The following DDHD2 variants were observed in gnomAD, a reference collection of about 807,000 sequenced individuals.
DDHD2 encodes the protein DDHD domain containing 2.
A neutral mutation model predicts 91.2 loss-of-function variants in DDHD2; 62 were observed. That is an observed-to-expected ratio of 0.68 (90% CI 0.55 to 0.84). DDHD2 has a LOEUF of 0.84. DDHD2 is among the 40% of genes least tolerant of loss of function. The probability of loss-of-function intolerance (pLI) is 0.00; values close to 1 mark genes in which losing one functional copy is unlikely to be tolerated. For missense variants in DDHD2, 740 were observed against 846.9 expected (o/e 0.87, Z 1.57); for synonymous variants, 271 against 293.9 (o/e 0.92, Z 0.80).
At chr8:38,252,105 G>T in intron 12 of DDHD2, 27 bp from the exon 13 acceptor site, 1 of 1,612,538 alleles carries the variant, frequency 6.2e-7, no homozygotes, top group Non-Finnish European at 8.5e-7. Context: ...TTATTAATGA[G>T]AGATGCTTTT....
intron 16 of DDHD2, among the ~76,000 whole-genome samples, chr8:38,256,056 G>T (rs923950017): frequency 6.6e-6 from 1 of 152,090 alleles, no homozygotes; most frequent in Non-Finnish European, 1.5e-5. Flanking sequence ...CATATTAAAA[G>T]AATACACATT....
At chr8:38,244,786 G>A (rs1020844410) in intron 7 of DDHD2, among the ~76,000 whole-genome samples, 2 of 150,962 alleles carry the variant, frequency 1.3e-5, no homozygotes, top group African/African-American at 2.4e-5. Context: ...GACTGGTCTC[G>A]AACTTTGGAC....
intron 16 of DDHD2, among the ~76,000 whole-genome samples, chr8:38,259,809 C>T (rs1195337624): frequency 3.3e-5 from 5 of 152,200 alleles, no homozygotes; most frequent in Non-Finnish European, 5.9e-5. Context: ...CATGAGCCAC[C>T]GCACCTGGCC....
chr8:38,239,091 T>A (rs1314712783), intron 5 of DDHD2: 1 of 152,160 alleles, frequency 6.6e-6, no homozygotes, highest in Non-Finnish European at 1.5e-5. Context: ...TTTAAAAACC[T>A]GGCTGCACGT....
chr8:38,234,604 T>C lies in DDHD2; in HGVS notation c.411+20T>C, dbSNP rs1191618496. On this transcript the variant is annotated intron_variant, in intron 3 of 17. Coordinates refer to ENST00000397166, the MANE Select transcript of DDHD2 (RefSeq NM_015214.3). ...TTAGAGGTATTCTTTTGACTCTTTT[T>C]TTACTTATTCTTTCTTTCTCTTATT... 1.3e-6 allele frequency: 2 copies of C among 1,552,452 alleles called. No homozygotes were observed. The highest frequency in any genetic ancestry group is 1.7e-6 in the Non-Finnish European group (2 of 1,149,440).
At chr8:38,234,028 C>T (rs1341849685) in intron 2 of DDHD2, among the ~76,000 whole-genome samples, 6 of 151,764 alleles carry the variant, frequency 4.0e-5, no homozygotes, top group Admixed American at 2.0e-4. Flanking sequence ...TTTTATAAAA[C>T]AAGAATGATT....
At chr8:38,264,421 C>G (rs776311275), downstream of DDHD2, 1 of 1,526,432 alleles carries the variant, frequency 6.6e-7, no homozygotes, top group Non-Finnish European at 8.8e-7. Flanking sequence ...GCATGAGCCA[C>G]CACGCCCGGC....
chr8:38,266,277 G>C (rs777326360), downstream of DDHD2: 8 of 1,613,630 alleles, frequency 5.0e-6, no homozygotes, highest in East Asian at 1.8e-4. Context: ...TCCCTGCCAG[G>C]TAGAAGGACG....
chr8:38,257,223 A>G (rs1169987616), intron 16 of DDHD2, among the ~76,000 whole-genome samples: 2 of 135,990 alleles, frequency 1.5e-5, no homozygotes, highest in Non-Finnish European at 3.1e-5. Context: ...GTAAGCCACC[A>G]TATCTGGCCA....
chr8:38,251,949 C>T lies in DDHD2; in HGVS notation c.1382C>T (p.Ala461Val), dbSNP rs201386329. Residue 461 changes from alanine (A) to valine (V), a missense_variant, in exon 12 of 18, where the codon GCA (alanine) becomes GTA (valine). This residue lies in a region of DDHD2 where 693 missense variants were observed against 764.2 expected (regional missense o/e 0.91). Transcript: ENST00000397166. ...CCAGCCCCGCAGCCTGCTTCAGGGG[C>T]AAACATCCCCAAAGAATCTGAGTTC... ...KRPAPQPASG[A>V]NIPKESEFCS... is the part of the protein sequence containing the mutation. The T allele has an allele frequency of 1.4e-4, 225 of 1,614,024 alleles. No individual in the cohort carries two copies. The highest frequency in any genetic ancestry group is 1.8e-4 in the Non-Finnish European group (216 of 1,179,996).
chr8:38,267,417 CG>C, downstream of DDHD2: 1 of 1,605,692 alleles, frequency 6.2e-7, no homozygotes, highest in South Asian at 1.1e-5. Flanking sequence ...ATGGTTGGAA[CG>C]TAAATCATTA....
At chr8:38,240,025 G>C (rs926632944) in intron 5 of DDHD2, among the ~76,000 whole-genome samples, 2 of 151,420 alleles carry the variant, frequency 1.3e-5, no homozygotes, top group Non-Finnish European at 2.9e-5. Context: ...GCCCAGCCGA[G>C]TTTTCTTTTT....
At chr8:38,241,501 A>C (rs994323458) in intron 6 of DDHD2, among the ~76,000 whole-genome samples, 4 of 151,818 alleles carry the variant, frequency 2.6e-5, no homozygotes, top group African/African-American at 9.7e-5. Flanking sequence ...GCTCACTGCA[A>C]CTTCTGCCTC....
chr8:38,232,149 G>C (rs562866747), intron 1 of DDHD2: 2 of 152,726 alleles, frequency 1.3e-5, no homozygotes, highest in East Asian at 1.9e-4. Context: ...GCTGAGGTAA[G>C]TCTGTGTGGG....
chr8:38,242,949 T>A (rs1805362669), intron 7 of DDHD2, among the ~76,000 whole-genome samples: 1 of 152,176 alleles, frequency 6.6e-6, no homozygotes, highest in Non-Finnish European at 1.5e-5. Flanking sequence ...GCTATGGGGC[T>A]CTCCAGCAAG....
At chr8:38,255,913 A>G (rs1272137494) in intron 16 of DDHD2, among the ~76,000 whole-genome samples, 1 of 152,234 alleles carries the variant, frequency 6.6e-6, no homozygotes, top group East Asian at 1.9e-4. Flanking sequence ...AATATTGACA[A>G]ATAAGAGGTT....
At chr8:38,268,743 C>G in intron 1 of DDHD2, 2 of 1,434,244 alleles carry the variant, frequency 1.4e-6, no homozygotes, top group Non-Finnish European at 1.8e-6. Context: ...ACACTCGAGC[C>G]CTAGGAGGCG....
intron 3 of DDHD2, among the ~76,000 whole-genome samples, chr8:38,235,422 T>TA (rs1448993415): frequency 6.6e-6 from 1 of 151,050 alleles, no homozygotes; most frequent in African/African-American, 2.4e-5. Flanking sequence ...TTTTAAGGTG[T>TA]AAAAAAAGAA....
At chr8:38,246,844 AAT>A (rs1486924381) in intron 9 of DDHD2, 1 of 154,212 alleles carries the variant, frequency 6.5e-6, no homozygotes, top group Non-Finnish European at 1.4e-5. Flanking sequence ...CCGTCTCAAA[AAT>A]ATGCACTGCT....
Sources: gnomAD v4.1 joint callset for allele counts (sites outside exome capture counted in the v4.1 genomes callset) on GRCh38, gnomAD v4.1.1 for gene constraint, gnomAD v4.1.1 regional missense constraint, MANE v1.5 for transcripts, NCBI Gene and HGNC (gene_info 2026-07-23, HGNC 2026-07-21) for gene names.